The following DAB1 variants were observed in gnomAD, a reference collection of about 807,000 sequenced individuals.
DAB1 encodes DAB adaptor protein 1, also known as disabled homolog 1.
DAB1 carries 15 observed loss-of-function variants against 64.6 expected under a neutral mutation model. The ratio of observed to expected loss-of-function variants is 0.23; its 90% confidence interval spans 0.16 to 0.36. DAB1 has a LOEUF of 0.36. DAB1 is among the 10% of genes least tolerant of loss of function. DAB1 has a pLI of 1.00. For synonymous variants in DAB1, 235 were observed against 251.9 expected (o/e 0.93, Z 0.64); for missense variants, 596 against 706.7 (o/e 0.84, Z 1.78).
intron 5 of DAB1, among the ~76,000 whole-genome samples, chr1:58,079,242 C>A (rs1354304673): frequency 6.6e-6 from 1 of 152,176 alleles, no homozygotes; most frequent in African/African-American, 2.4e-5. Flanking sequence ...TCCCCTCAGA[C>A]ATCACATCAT....
At chr1:58,384,567 G>A (rs77087452) in intron 3 of DAB1, among the ~76,000 whole-genome samples, 12,044 of 152,212 alleles carry the variant, frequency 0.079, 661 homozygotes, top group South Asian at 0.12. Flanking sequence ...ATGAAGGGGA[G>A]TTTATTAAGG....
At chr1:58,442,271 C>T (rs1056760551) in intron 3 of DAB1, among the ~76,000 whole-genome samples, 6 of 152,146 alleles carry the variant, frequency 3.9e-5, no homozygotes, top group African/African-American at 1.2e-4. Context: ...CAAGGGAACC[C>T]CTGAATGGAC....
rs1290668722 is a variant in DAB1, at chr1:57,433,865, C to A, written n.626-142699G>T. On this transcript the variant is annotated intron_variant and non_coding_transcript_variant, in intron 7 of 20. Transcript: ENST00000485760. Reference sequence around the variant, plus strand: ...TGACAGCTCACCAAAAAAAAAAAAACAAAAAAACTATAAGTAGGTACATGA... The same window carrying A: ...TGACAGCTCACCAAAAAAAAAAAAAAAAAAAAACTATAAGTAGGTACATGA... 5.3e-3 allele frequency among the ~76,000 whole-genome samples: 737 copies of A among 139,820 alleles called. 6 individuals carry two copies. Among genetic ancestry groups the A allele is most frequent in the African/African-American group, 0.015 (585 of 38,306 alleles). The allele number at this position is 139,820 out of a possible 152,430, so 91.7% of individuals were successfully genotyped here.
At chr1:57,075,606 G>C (rs768104061) in intron 4 of DAB1, among the ~76,000 whole-genome samples, 2 of 152,152 alleles carry the variant, frequency 1.3e-5, no homozygotes, top group East Asian at 1.9e-4. Context: ...TAGAAACTTA[G>C]AGTATCATGC....
rs1644144503 is a variant in DAB1 at position 57,490,219 on chromosome 1, A to T, written n.625+159373T>A. On this transcript the variant is annotated intron_variant and non_coding_transcript_variant, in intron 7 of 20. Transcript: ENST00000485760. ...CTTGCTTGTGGTATTTCATTATAGC[A>T]CACTGAATGAACTAAGACATAACAT... Among the ~76,000 whole-genome samples, 2 of 152,178 alleles carry T rather than the reference A, an allele frequency of 1.3e-5. 1 individual carries two copies. The highest frequency in any genetic ancestry group is 1.3e-4 in the Admixed American group (2 of 15,276).
intron 4 of DAB1, among the ~76,000 whole-genome samples, chr1:58,311,747 C>CAA (rs1195485015): frequency 6.6e-6 from 1 of 152,132 alleles, no homozygotes; most frequent in African/African-American, 2.4e-5. Flanking sequence ...ACTCCTGCTC[C>CAA]CTGGCCCCTT....
chr1:58,388,601 G>T (rs887517462), intron 3 of DAB1, among the ~76,000 whole-genome samples: 1 of 152,220 alleles, frequency 6.6e-6, no homozygotes, highest in Non-Finnish European at 1.5e-5. Flanking sequence ...ACTAGCTCAA[G>T]ATCATCTACC....
At chr1:58,015,825 G>A (rs903117859) in intron 5 of DAB1, among the ~76,000 whole-genome samples, 2 of 152,166 alleles carry the variant, frequency 1.3e-5, no homozygotes, top group Non-Finnish European at 2.9e-5. Context: ...CCTTGCAAGG[G>A]CATGCATGAG....
At chr1:57,949,513 C>CTATCTA (rs1180185592) in intron 5 of DAB1, among the ~76,000 whole-genome samples, 6 of 137,630 alleles carry the variant, frequency 4.4e-5, no homozygotes, top group South Asian at 2.3e-4. Context: ...CTATCTATAT[C>CTATCTA]TGTCTGTCTG....
intron 6 of DAB1, among the ~76,000 whole-genome samples, chr1:57,687,189 A>G (rs1293985313): frequency 2.0e-5 from 3 of 152,234 alleles, no homozygotes; most frequent in Non-Finnish European, 4.4e-5. Flanking sequence ...AATTGACTGT[A>G]GTAAAGTTTT....
At chr1:58,095,954 A>G (rs1650952246) in intron 5 of DAB1, among the ~76,000 whole-genome samples, 1 of 152,164 alleles carries the variant, frequency 6.6e-6, no homozygotes, top group South Asian at 2.1e-4. Flanking sequence ...GGAGGAGGCA[A>G]AGTGAGAAAG....
chr1:57,342,906 C>T (rs1179865981), intron 1 of DAB1, among the ~76,000 whole-genome samples: 2 of 152,166 alleles, frequency 1.3e-5, no homozygotes, highest in African/African-American at 4.8e-5. Context: ...CTCATAAAGG[C>T]AGTGTGGACC....
At chr1:57,863,201 G>A (rs548896275) in intron 1 of DAB1, 13 of 151,948 alleles carry the variant, frequency 8.6e-5, no homozygotes, top group Admixed American at 6.6e-4. Context: ...TCTATAAACC[G>A]TTAGAAAATG....
chr1:58,239,642 G>T (rs1029890035), intron 4 of DAB1, among the ~76,000 whole-genome samples: 2 of 152,148 alleles, frequency 1.3e-5, no homozygotes, highest in South Asian at 4.1e-4. Flanking sequence ...TTCGCAAGAG[G>T]TCATAATCTC....
chr1:57,813,137 T>C (rs1481479815), intron 6 of DAB1, among the ~76,000 whole-genome samples: 2 of 152,230 alleles, frequency 1.3e-5, no homozygotes, highest in African/African-American at 2.4e-5. Flanking sequence ...ATAATATAGA[T>C]GTCTAACAGG....
chr1:57,042,884 G>C (rs974206543), intron 9 of DAB1, among the ~76,000 whole-genome samples: 2 of 151,704 alleles, frequency 1.3e-5, no homozygotes, highest in Non-Finnish European at 2.9e-5. Context: ...CACAATCACA[G>C]AGATATGGCA....
intron 5 of DAB1, among the ~76,000 whole-genome samples, chr1:58,103,604 A>G (rs994787368): frequency 6.6e-6 from 1 of 152,048 alleles, no homozygotes; most frequent in African/African-American, 2.4e-5. Context: ...TCTTGTCACC[A>G]TTTCCATTTT....
chr1:57,956,101 ATGT>A (rs1645387055), intron 5 of DAB1, among the ~76,000 whole-genome samples: 2 of 152,298 alleles, frequency 1.3e-5, no homozygotes, highest in East Asian at 3.9e-4. Context: ...GGAAGGCAAT[ATGT>A]CAGATCTGAT....
intron 5 of DAB1, among the ~76,000 whole-genome samples, chr1:57,955,352 C>T (rs778667575): frequency 5.3e-5 from 8 of 152,162 alleles, no homozygotes; most frequent in African/African-American, 1.4e-4. Flanking sequence ...CAGAAGGACA[C>T]GTAGCTGAGG....
Sources: gnomAD v4.1 joint callset for allele counts (sites outside exome capture counted in the v4.1 genomes callset) on GRCh38, gnomAD v4.1.1 for gene constraint, MANE v1.5 for transcripts, NCBI Gene and HGNC (gene_info 2026-07-23, HGNC 2026-07-21) for gene names.